The following UGT1A8 variants were observed in gnomAD, a reference collection of about 807,000 sequenced individuals.
UGT1A8 encodes UDP-glucuronosyltransferase 1A8.
UGT1A8 carries 39 observed loss-of-function variants against 45.3 expected under a neutral mutation model. The ratio of observed to expected loss-of-function variants is 0.86; its 90% CI spans 0.67 to 1.12. The LOEUF is 1.12. Ranked by LOEUF, UGT1A8 falls within the 50% of genes most tolerant of loss-of-function variation. The probability of loss-of-function intolerance (pLI) is 0.00; values close to 1 mark genes in which losing one functional copy is unlikely to be tolerated. For missense variants in UGT1A8, 719 were observed against 664.9 expected (o/e 1.08, Z -0.90); for synonymous variants, 275 against 249.2 (o/e 1.10, Z -0.97).
intron 1 of UGT1A8, chr2:233,717,717 G>T (rs1199377056): frequency 8.8e-6 from 4 of 454,280 alleles, no homozygotes; most frequent in South Asian, 6.2e-5. Flanking sequence ...AGCCTCATGG[G>T]CATGAGACCA....
At chr2:233,718,969 A>G (rs2076707871) in intron 1 of UGT1A8, 4 of 1,614,166 alleles carry the variant, frequency 2.5e-6, no homozygotes, top group Non-Finnish European at 3.4e-6. Context: ...GCCTTGCGGG[A>G]GCTCCATGCC....
At chr2:233,624,029 A>G (rs2073055313) in intron 1 of UGT1A8, among the ~76,000 whole-genome samples, 1 of 152,182 alleles carries the variant, frequency 6.6e-6, no homozygotes, top group Admixed American at 6.5e-5. Context: ...CAAGGTTGCA[A>G]CAAATAGTTC....
At chr2:233,668,353 G>A (rs992943803) in intron 1 of UGT1A8, among the ~76,000 whole-genome samples, 4 of 152,164 alleles carry the variant, frequency 2.6e-5, no homozygotes, top group African/African-American at 9.7e-5. Flanking sequence ...ATGGTTTCCA[G>A]CTTCATCCAT....
At chr2:233,721,705 T>G in intron 1 of UGT1A8, 1 of 371,450 alleles carries the variant, frequency 2.7e-6, no homozygotes, top group South Asian at 2.1e-5. Flanking sequence ...ATGGCTCATC[T>G]TGGATGCTTT....
chr2:233,732,709 C>A (rs540969589), intron 1 of UGT1A8, among the ~76,000 whole-genome samples: 5 of 150,878 alleles, frequency 3.3e-5, no homozygotes, highest in Non-Finnish European at 7.4e-5. Flanking sequence ...GTTACTGTAG[C>A]CTTGTAGTAC....
chr2:233,745,880 T>G (rs1172718877), intron 1 of UGT1A8, among the ~76,000 whole-genome samples: 2 of 151,190 alleles, frequency 1.3e-5, no homozygotes, highest in Non-Finnish European at 2.9e-5. Context: ...TCCAGAAGTG[T>G]TGGTGGGGTG....
Position 233,760,769 on chromosome 2 carries a change from C to T in UGT1A8, c.856-6265C>T, listed in dbSNP as rs756981269. 1.9e-6 allele frequency: 3 copies of T among 1,614,028 alleles called. No individual in the cohort carries two copies. The South Asian group carries it at 3.3e-5, about 18-fold the overall frequency. On this transcript the variant is annotated intron_variant, in intron 1 of 4. Coordinates refer to ENST00000373450, the MANE Select transcript of UGT1A8 (RefSeq NM_019076.5). ...TTCCTTCCTTGCAGCCCCATCGTGG[C>T]CCAGTACCTGTCTCTGCCCACTGTA...
At chr2:233,732,882 T>A (rs2078332134) in intron 1 of UGT1A8, among the ~76,000 whole-genome samples, 1 of 152,004 alleles carries the variant, frequency 6.6e-6, no homozygotes, top group African/African-American at 2.4e-5. Context: ...TGGCATTGAA[T>A]CTATAAATTA....
intron 1 of UGT1A8, among the ~76,000 whole-genome samples, chr2:233,631,918 T>G (rs2602371): frequency 0.78 from 119,205 of 152,084 alleles, 46,823 homozygotes; most frequent in African/African-American, 0.81. Context: ...CCATGCCTAT[T>G]TCCTGAATGG....
intron 1 of UGT1A8, among the ~76,000 whole-genome samples, chr2:233,738,200 C>A (rs1199969775): frequency 6.6e-6 from 1 of 152,170 alleles, no homozygotes; most frequent in Non-Finnish European, 1.5e-5. Context: ...CTCTCTCTCA[C>A]TTTCTGCCAG....
intron 1 of UGT1A8, among the ~76,000 whole-genome samples, chr2:233,689,439 A>C (rs1476272923): frequency 6.6e-6 from 1 of 152,238 alleles, no homozygotes; most frequent in African/African-American, 2.4e-5. Flanking sequence ...AAAGGTTTTT[A>C]AGAGCAAGGA....
intron 1 of UGT1A8, chr2:233,648,137 A>G: frequency 1.5e-6 from 2 of 1,299,836 alleles, no homozygotes; most frequent in South Asian, 3.3e-5. Context: ...TGGGAAGCAG[A>G]AGTACGACGC....
At chr2:233,759,276 T>C (rs943055975) in intron 1 of UGT1A8, among the ~76,000 whole-genome samples, 1 of 152,134 alleles carries the variant, frequency 6.6e-6, no homozygotes, top group African/African-American at 2.4e-5. Context: ...TGCATTCTGA[T>C]TGGTTGATGA....
intron 1 of UGT1A8, among the ~76,000 whole-genome samples, chr2:233,749,110 T>C (rs1417029157): frequency 1.3e-5 from 2 of 151,818 alleles, no homozygotes; most frequent in African/African-American, 4.9e-5. Flanking sequence ...AATTCAGCCT[T>C]TTTATGTCAT....
In UGT1A8 at chr2:233,772,387, C is replaced by T; in HGVS notation, c.1421C>T (p.Ala474Val). The stretch of plus-strand genomic sequence containing the variant: ...AAGGGCGCGCCACACCTGCGCCCCG[C>T]AGCCCACGACCTCACCTGGTACCAG... ...RHKGAPHLRPAAHDLTWYQYH... is the reference protein window; with the variant it reads ...RHKGAPHLRPVAHDLTWYQYH... Residue 474 changes from alanine to valine, a missense_variant, in exon 5 of 5, where the codon GCA (alanine) becomes GTA (valine). Physicochemically the swap from Ala to Val is moderately conservative, Grantham distance 64. Coordinates refer to ENST00000373450, the MANE Select transcript of UGT1A8 (RefSeq NM_019076.5). The T allele has an allele frequency of 6.2e-7, 1 of 1,614,274 alleles. No homozygotes were observed. The highest frequency in any genetic ancestry group is 1.1e-5 in the South Asian group (1 of 91,092).
intron 1 of UGT1A8, among the ~76,000 whole-genome samples, chr2:233,705,028 C>T (rs912053989): frequency 4.0e-5 from 6 of 151,736 alleles, no homozygotes; most frequent in African/African-American, 1.2e-4. Context: ...CCCAGCTACT[C>T]GGGAGGCTGA....
chr2:233,761,079 C>T, intron 1 of UGT1A8: 1 of 1,614,120 alleles, frequency 6.2e-7, no homozygotes, highest in Non-Finnish European at 8.5e-7. Flanking sequence ...TGAAGGATTA[C>T]CCTAGGCCCA....
chr2:233,664,468 AG>A (rs2074035047), intron 1 of UGT1A8, among the ~76,000 whole-genome samples: 1 of 152,212 alleles, frequency 6.6e-6, no homozygotes, highest in South Asian at 2.1e-4. Context: ...TATAAATAAA[AG>A]AGGTTTAATT....
rs569556369 is a variant in UGT1A8, at chr2:233,768,497, C to G, written c.1295+58C>G. 8 of 1,559,772 alleles carry G rather than the reference C, an allele frequency of 5.1e-6. No individual in the cohort carries two copies. The South Asian group carries it at 9.4e-5, about 18-fold the overall frequency. On this transcript the variant is annotated intron_variant, in intron 4 of 4. Coordinates refer to ENST00000373450, the MANE Select transcript of UGT1A8 (RefSeq NM_019076.5). ...CATGGCATTCATGATAAAATTGTTT[C>G]AAATATGAAAACATTTACGTAGCAT... is the stretch of plus-strand genomic sequence containing the variant.
Sources: allele counts gnomAD v4.1 joint callset (sites outside exome capture counted in the v4.1 genomes callset), GRCh38; gene constraint gnomAD v4.1.1; transcripts MANE v1.5; gene names NCBI Gene and HGNC (gene_info 2026-07-23, HGNC 2026-07-21).